CFAP95: variants seen among roughly 807,000 people sequenced by gnomAD.
CFAP95 encodes cilia and flagella associated protein 95.
At chr9:69,839,798 A>T in the CFAP95 span, among the ~76,000 whole-genome samples, 1 of 151,420 alleles carries the variant, frequency 6.6e-6, no homozygotes, top group African/African-American at 2.4e-5. Context: ...TTTTTTGGCC[A>T]GGCGCAGTGG....
At chr9:69,845,699 G>A in the CFAP95 span, among the ~76,000 whole-genome samples, 3 of 149,222 alleles carry the variant, frequency 2.0e-5, no homozygotes, top group Non-Finnish European at 4.5e-5. Context: ...TATAGAATGA[G>A]CAAACTTGCA....
the CFAP95 span, among the ~76,000 whole-genome samples, chr9:69,870,188 T>G: frequency 6.6e-6 from 1 of 152,216 alleles, no homozygotes; most frequent in Non-Finnish European, 1.5e-5. Context: ...GAGTTAATTC[T>G]TTCAATAGAA....
chr9:69,850,996 C>T, the CFAP95 span, among the ~76,000 whole-genome samples: 6 of 152,278 alleles, frequency 3.9e-5, no homozygotes, highest in Admixed American at 6.5e-5. Context: ...CATTTCCAGA[C>T]GTTTGGGATG....
At chr9:69,872,624 T>C in the CFAP95 span, among the ~76,000 whole-genome samples, 1 of 152,150 alleles carries the variant, frequency 6.6e-6, no homozygotes, top group Admixed American at 6.6e-5. Flanking sequence ...CTGATTCAAA[T>C]TGTCCTTCAT....
chr9:69,857,332 C>A, the CFAP95 span, among the ~76,000 whole-genome samples: 15 of 152,204 alleles, frequency 9.9e-5, no homozygotes, highest in African/African-American at 2.9e-4. Context: ...CAGTGCCTCC[C>A]CATCGAAGTG....
At chr9:69,880,275 C>A in the CFAP95 span, among the ~76,000 whole-genome samples, 3 of 152,142 alleles carry the variant, frequency 2.0e-5, no homozygotes, top group African/African-American at 7.2e-5. Flanking sequence ...CACCATCCCA[C>A]CTCCCCACTA....
At chr9:69,857,756 G>A in the CFAP95 span, among the ~76,000 whole-genome samples, 3 of 152,148 alleles carry the variant, frequency 2.0e-5, no homozygotes, top group South Asian at 4.1e-4. Context: ...TTGAACTCCT[G>A]AGCGCAGGCA....
the CFAP95 span, among the ~76,000 whole-genome samples, chr9:69,839,539 G>A: frequency 2.6e-5 from 4 of 151,966 alleles, no homozygotes; most frequent in East Asian, 2.0e-4. Context: ...CGATTCTCAT[G>A]CCTCAGGCCT....
At chr9:69,903,671 C>T in the CFAP95 span, among the ~76,000 whole-genome samples, 15,225 of 152,220 alleles carry the variant, frequency 0.1, 873 homozygotes, top group African/African-American at 0.14. Context: ...ATGTAACCAA[C>T]ATGGATTAAC....
chr9:69,900,193 C>T, the CFAP95 span, among the ~76,000 whole-genome samples: 1 of 152,050 alleles, frequency 6.6e-6, no homozygotes, highest in African/African-American at 2.4e-5. Context: ...GATCATCAAA[C>T]CTGAGGTGGT....
At chr9:69,823,966 G>A in the CFAP95 span, among the ~76,000 whole-genome samples, 1 of 152,128 alleles carries the variant, frequency 6.6e-6, no homozygotes, top group Non-Finnish European at 1.5e-5. Flanking sequence ...GCAGGAACTG[G>A]CCATCTAGAT....
the CFAP95 span, among the ~76,000 whole-genome samples, chr9:69,854,664 G>A: frequency 1.3e-5 from 2 of 152,232 alleles, no homozygotes; most frequent in Non-Finnish European, 2.9e-5. Context: ...GACCTCTAGG[G>A]TTGGCTGCAA....
chr9:69,821,741 C>CTT, the CFAP95 span, among the ~76,000 whole-genome samples: 9 of 146,088 alleles, frequency 6.2e-5, no homozygotes, highest in Non-Finnish European at 1.4e-4. Context: ...GCTCTGTTTA[C>CTT]TTTTTTTTTT....
the CFAP95 span, among the ~76,000 whole-genome samples, chr9:69,900,191 A>C: frequency 1.1e-4 from 17 of 152,100 alleles, no homozygotes; most frequent in African/African-American, 4.1e-4. Context: ...TAGATCATCA[A>C]ACCTGAGGTG....
the CFAP95 span, among the ~76,000 whole-genome samples, chr9:69,842,192 G>C: frequency 9.2e-5 from 14 of 152,322 alleles, no homozygotes; most frequent in Non-Finnish European, 4.4e-5. Flanking sequence ...GGGCTAGAGA[G>C]TGGCACCCTT....
chr9:69,823,614 G>C, the CFAP95 span, among the ~76,000 whole-genome samples: 1 of 152,184 alleles, frequency 6.6e-6, no homozygotes, highest in Non-Finnish European at 1.5e-5. Flanking sequence ...AACAGTAGAA[G>C]TTAGTTTCGC....
the CFAP95 span, among the ~76,000 whole-genome samples, chr9:69,826,307 T>A: frequency 6.6e-6 from 1 of 152,156 alleles, no homozygotes; most frequent in Non-Finnish European, 1.5e-5. Flanking sequence ...AAAGAGAGTG[T>A]CTGAATTTTC....
chr9:69,904,646 G>T, the CFAP95 span, among the ~76,000 whole-genome samples: 2 of 152,118 alleles, frequency 1.3e-5, no homozygotes, highest in Non-Finnish European at 2.9e-5. Flanking sequence ...TCTTCAGTTT[G>T]ACTGCAGCAG....
At chr9:69,840,863 G>C in the CFAP95 span, among the ~76,000 whole-genome samples, 1 of 152,036 alleles carries the variant, frequency 6.6e-6, no homozygotes, top group Admixed American at 6.5e-5. Flanking sequence ...CAGGCACGAG[G>C]AAATGCCAGT....
Sources: allele counts gnomAD v4.1 joint callset (sites outside exome capture counted in the v4.1 genomes callset), GRCh38; gene constraint gnomAD v4.1.1; transcripts MANE v1.5; gene names NCBI Gene and HGNC (gene_info 2026-07-23, HGNC 2026-07-21).